Variants in MITF observed in about 807,000 individuals in gnomAD.
MITF encodes the protein microphthalmia-associated transcription factor.
A neutral mutation model predicts 60.5 loss-of-function variants in MITF; 17 were observed. The observed-to-expected ratio is 0.28, with a 90% confidence interval of 0.19 to 0.42. The LOEUF (loss-of-function observed/expected upper bound fraction) is 0.42, where lower values mean the gene tolerates loss of function less well. Ranked by LOEUF, MITF falls within the 10% of genes least tolerant of loss-of-function variation. The pLI is 1.00. For synonymous variants in MITF, 260 were observed against 248.5 expected (o/e 1.05, Z -0.43); for missense variants, 622 against 683.5 (o/e 0.91, Z 1.00).
chr3:69,856,131 A>G (rs1422241953), intron 1 of MITF, among the ~76,000 whole-genome samples: 1 of 152,176 alleles, frequency 6.6e-6, no homozygotes, highest in Admixed American at 6.5e-5. Flanking sequence ...TCACCACAAT[A>G]GAGTGGGCCA....
intron 6 of MITF, among the ~76,000 whole-genome samples, chr3:69,949,461 G>A (rs572013224): frequency 6.6e-6 from 1 of 151,970 alleles, no homozygotes; most frequent in Admixed American, 6.6e-5. Flanking sequence ...TTTGTGTTGG[G>A]GATAGTAGGC....
chr3:69,756,304 C>A (rs1398953312), intron 1 of MITF, among the ~76,000 whole-genome samples: 1 of 152,122 alleles, frequency 6.6e-6, no homozygotes, highest in Non-Finnish European at 1.5e-5. Flanking sequence ...CCCCGACAGG[C>A]CCTGGTGTGT....
intron 2 of MITF, among the ~76,000 whole-genome samples, chr3:69,925,555 A>C (rs1268964851): frequency 2.6e-5 from 4 of 152,224 alleles, no homozygotes; most frequent in African/African-American, 9.6e-5. Flanking sequence ...TGTTCATCAG[A>C]TCATGTTGAT....
chr3:69,946,607 A>C (rs1031607876), intron 5 of MITF, among the ~76,000 whole-genome samples: 1 of 152,166 alleles, frequency 6.6e-6, no homozygotes, highest in African/African-American at 2.4e-5. Context: ...CCAAAAAATG[A>C]GATGACCCCC....
At chr3:69,832,197 G>C (rs972706648) in intron 1 of MITF, among the ~76,000 whole-genome samples, 1 of 152,208 alleles carries the variant, frequency 6.6e-6, no homozygotes, top group South Asian at 2.1e-4. Context: ...CTCTTAGGAG[G>C]TTGTAGACAG....
At chr3:69,752,699 A>G (rs939818168) in intron 1 of MITF, among the ~76,000 whole-genome samples, 17 of 152,202 alleles carry the variant, frequency 1.1e-4, no homozygotes, top group Non-Finnish European at 2.2e-4. Context: ...AGAGTATAAA[A>G]GTTTGGAAAA....
chr3:69,741,343 A>G (rs1243779498), intron 1 of MITF, among the ~76,000 whole-genome samples: 2 of 152,130 alleles, frequency 1.3e-5, no homozygotes, highest in Non-Finnish European at 2.9e-5. Context: ...AGAATGAGGG[A>G]ATGAGTGTGT....
intron 1 of MITF, among the ~76,000 whole-genome samples, chr3:69,785,763 T>A (rs1055552939): frequency 2.6e-5 from 4 of 152,124 alleles, no homozygotes; most frequent in African/African-American, 9.7e-5. Flanking sequence ...AGCATGGCCT[T>A]TTGCCTGAGA....
intron 1 of MITF, among the ~76,000 whole-genome samples, chr3:69,856,455 T>A (rs1160616377): frequency 6.6e-6 from 1 of 152,142 alleles, no homozygotes; most frequent in African/African-American, 2.4e-5. Context: ...AGGGCAAGTG[T>A]TGAGAGATTG....
chr3:69,935,701 T>A (rs149437953), intron 2 of MITF, among the ~76,000 whole-genome samples: 1 of 152,200 alleles, frequency 6.6e-6, no homozygotes, highest in Admixed American at 6.5e-5. Flanking sequence ...TCATAATTTA[T>A]AAGTATATAT....
At chr3:69,879,901 T>C (rs2064445422) in intron 2 of MITF, among the ~76,000 whole-genome samples, 1 of 152,170 alleles carries the variant, frequency 6.6e-6, no homozygotes, top group African/African-American at 2.4e-5. Flanking sequence ...GTTGTCTGCT[T>C]TGGGTCTCTT....
intron 1 of MITF, among the ~76,000 whole-genome samples, chr3:69,794,809 T>G (rs994117147): frequency 6.6e-6 from 1 of 152,220 alleles, no homozygotes; most frequent in South Asian, 2.1e-4. Context: ...CCTCAATCAC[T>G]CTGACTTAGT....
At chr3:69,880,423 A>C (rs1237990597) in intron 2 of MITF, among the ~76,000 whole-genome samples, 1 of 152,168 alleles carries the variant, frequency 6.6e-6, no homozygotes, top group Admixed American at 6.5e-5. Flanking sequence ...TTATTTGCGA[A>C]GACTTAAAAT....
intron 2 of MITF, among the ~76,000 whole-genome samples, chr3:69,927,872 A>G (rs2065629486): frequency 1.3e-5 from 2 of 152,268 alleles, no homozygotes; most frequent in South Asian, 2.1e-4. Flanking sequence ...CCTGAACTAT[A>G]TGGCTTCCTT....
intron 1 of MITF, among the ~76,000 whole-genome samples, chr3:69,758,336 A>C (rs2062161763): frequency 6.6e-6 from 1 of 151,460 alleles, no homozygotes; most frequent in African/African-American, 2.4e-5. Context: ...TGCCTGGCTA[A>C]TTAAATTTTT....
intron 1 of MITF, among the ~76,000 whole-genome samples, chr3:69,875,291 G>A (rs1486606828): frequency 1.3e-5 from 2 of 152,080 alleles, no homozygotes; most frequent in Non-Finnish European, 2.9e-5. Flanking sequence ...TCTGCCCATC[G>A]GCTTTCAAAG....
chr3:69,894,467 C>A, intron 2 of MITF, among the ~76,000 whole-genome samples: 1 of 152,144 alleles, frequency 6.6e-6, no homozygotes, highest in East Asian at 1.9e-4. Context: ...GGGTGGATCA[C>A]CTGAGGTCAG....
intron 1 of MITF, among the ~76,000 whole-genome samples, chr3:69,867,071 C>T (rs527548841): frequency 1.3e-5 from 2 of 152,116 alleles, no homozygotes; most frequent in Admixed American, 1.3e-4. Flanking sequence ...CATTTACTTT[C>T]ACTGTTAGGT....
At chr3:69,823,254 T>A (rs928892684) in intron 1 of MITF, among the ~76,000 whole-genome samples, 8 of 152,226 alleles carry the variant, frequency 5.3e-5, no homozygotes, top group Non-Finnish European at 1.2e-4. Flanking sequence ...TATAGTTGGA[T>A]TTTGATCCTT....
Sources: allele counts gnomAD v4.1 joint callset (sites outside exome capture counted in the v4.1 genomes callset), GRCh38; gene constraint gnomAD v4.1.1; transcripts MANE v1.5; gene names NCBI Gene and HGNC (gene_info 2026-07-23, HGNC 2026-07-21).